Variants in ARID4B observed in about 807,000 individuals in gnomAD.
ARID4B encodes AT-rich interactive domain-containing protein 4B.
In ARID4B, 26 loss-of-function variants were observed where a neutral mutation model predicts 147.5. That is an observed-to-expected ratio of 0.18 (90% CI 0.13 to 0.24). The LOEUF (loss-of-function observed/expected upper bound fraction) is 0.24, where lower values mean the gene tolerates loss of function less well. Among genes scored for constraint, ARID4B ranks in the 10% least tolerant of loss-of-function variants. The pLI is 1.00. For missense variants in ARID4B, 1,179 were observed against 1,511.5 expected, an observed-to-expected ratio of 0.78 and a Z score of 3.65; for synonymous variants, 512 against 507.9, an observed-to-expected ratio of 1.01 and a Z score of -0.11.
rs1020741991 is a variant in ARID4B at position 235,181,927 on chromosome 1, C to T, written c.2992G>A (p.Glu998Lys). Residue 998 changes from glutamate to lysine, a missense_variant, in exon 20 of 24, where the codon GAA becomes AAA. By Grantham distance (56) the Glu-to-Lys change is moderately conservative (BLOSUM62 1). This residue lies in a region of ARID4B where 357 missense variants were observed against 427.3 expected (regional missense o/e 0.84). Transcript: ENST00000264183. The stretch of plus-strand genomic sequence containing the variant: ...TCATTGACCTCTACTGTTTTTTCTT[C>T]AATGGGTTTACTATCGACATTGACT... ...PPVNVDSKPIEEKTVEVNDRK... is the reference protein window; with the variant it reads ...PPVNVDSKPIKEKTVEVNDRK... 2 of 1,614,160 alleles carry T rather than the reference C, an allele frequency of 1.2e-6. No individual in the cohort carries two copies. The highest frequency in any genetic ancestry group is 1.7e-6 in the Non-Finnish European group (2 of 1,180,028).
intron 13 of ARID4B, among the ~76,000 whole-genome samples, chr1:235,222,722 G>A (rs1198680159): frequency 1.4e-5 from 2 of 144,172 alleles, no homozygotes; most frequent in Non-Finnish European, 3.0e-5. Flanking sequence ...CTGTCACGCA[G>A]GCTGGAATGC....
At chr1:235,327,215 C>T (rs955301757) in intron 1 of ARID4B, 2 of 343,714 alleles carry the variant, frequency 5.8e-6, no homozygotes, top group African/African-American at 2.1e-5. Flanking sequence ...TTCCCGTCTA[C>T]GACAATGACG....
intron 13 of ARID4B, among the ~76,000 whole-genome samples, chr1:235,222,565 GAC>G (rs2103028467): frequency 6.6e-6 from 1 of 151,750 alleles, no homozygotes; most frequent in East Asian, 1.9e-4. Flanking sequence ...ATGAAAAAGA[GAC>G]ACAGGAAGGA....
chr1:235,171,830 C>T (rs111870764), intron 23 of ARID4B, among the ~76,000 whole-genome samples: 2,360 of 152,046 alleles, frequency 0.016, 46 homozygotes, highest in African/African-American at 0.047. Flanking sequence ...TTAGTAGAGA[C>T]GGGGTTTCAC....
At chr1:235,202,585 T>A (rs1666020521) in intron 17 of ARID4B, among the ~76,000 whole-genome samples, 1 of 151,544 alleles carries the variant, frequency 6.6e-6, no homozygotes, top group South Asian at 2.1e-4. Context: ...AGTCTTGCTC[T>A]GTTGCCCTGG....
At chr1:235,171,301 A>G (rs1196275785) in intron 23 of ARID4B, among the ~76,000 whole-genome samples, 1 of 151,838 alleles carries the variant, frequency 6.6e-6, no homozygotes, top group Admixed American at 6.6e-5. Flanking sequence ...TGGGCGTGGC[A>G]GCACGCTTGT....
At chr1:235,191,352 G>A (rs1380662964) in intron 19 of ARID4B, among the ~76,000 whole-genome samples, 1 of 151,652 alleles carries the variant, frequency 6.6e-6, no homozygotes, top group Non-Finnish European at 1.5e-5. Flanking sequence ...GGGTTCAAGC[G>A]ATTCTCCTGC....
chr1:235,251,292 A>T (rs1254716657), intron 6 of ARID4B, among the ~76,000 whole-genome samples: 1 of 152,140 alleles, frequency 6.6e-6, no homozygotes, highest in Non-Finnish European at 1.5e-5. Context: ...TAGAGAGCTC[A>T]CGAAAGACAT....
At chr1:235,236,491 GTTGTGT>G (rs1408767605) in intron 8 of ARID4B, among the ~76,000 whole-genome samples, 2 of 73,144 alleles carry the variant, frequency 2.7e-5, no homozygotes, top group Non-Finnish European at 2.7e-5. Context: ...TTACAAAACA[GTTGTGT>G]GTGTGTGTGT....
At chr1:235,320,920 C>G (rs1674769095) in intron 2 of ARID4B, among the ~76,000 whole-genome samples, 3 of 152,168 alleles carry the variant, frequency 2.0e-5, no homozygotes, top group African/African-American at 7.2e-5. Context: ...AGTAACCCAC[C>G]CTCTGTCACT....
At chr1:235,254,502 T>A (rs1286568421) in intron 5 of ARID4B, among the ~76,000 whole-genome samples, 8 of 151,788 alleles carry the variant, frequency 5.3e-5, no homozygotes, top group Non-Finnish European at 8.8e-5. Context: ...GTATAAAAAA[T>A]TTGAAGAATA....
chr1:235,239,153 G>A (rs1668819935), intron 8 of ARID4B, among the ~76,000 whole-genome samples: 1 of 151,892 alleles, frequency 6.6e-6, no homozygotes, highest in African/African-American at 2.4e-5. Context: ...TGTATTTTTA[G>A]TAGAGACGGG....
chr1:235,265,945 TA>T (rs1192574421), intron 2 of ARID4B, among the ~76,000 whole-genome samples: 1 of 151,328 alleles, frequency 6.6e-6, no homozygotes, highest in Non-Finnish European at 1.5e-5. Flanking sequence ...AATTGTTTTT[TA>T]AAAAAAAATG....
intron 6 of ARID4B, among the ~76,000 whole-genome samples, chr1:235,249,109 G>A (rs1432753629): frequency 1.3e-5 from 2 of 151,838 alleles, no homozygotes; most frequent in Non-Finnish European, 2.9e-5. Context: ...AAGGTGGGCG[G>A]ATCACTTGAG....
chr1:235,235,945 CT>C (rs397795149), intron 8 of ARID4B, among the ~76,000 whole-genome samples: 314 of 141,822 alleles, frequency 2.2e-3, no homozygotes, highest in Non-Finnish European at 2.4e-3. Context: ...TTTTCTTTTT[CT>C]TTTTTTTTTT....
chr1:235,209,556 G>T (rs1170985897), intron 17 of ARID4B, among the ~76,000 whole-genome samples: 54 of 147,110 alleles, frequency 3.7e-4, no homozygotes, highest in East Asian at 1.4e-3. Context: ...TGATTTTTTT[G>T]TTTTTTGTTT....
chr1:235,298,365 T>C (rs1485392275), intron 2 of ARID4B, among the ~76,000 whole-genome samples: 2 of 151,978 alleles, frequency 1.3e-5, no homozygotes, highest in Admixed American at 6.6e-5. Flanking sequence ...TTTACTAGTC[T>C]CCAGAATTAA....
chr1:235,177,615 G>GTT (rs754941124), intron 21 of ARID4B, 185 bp downstream of exon 21: 101 of 440,768 alleles, frequency 2.3e-4, no homozygotes, highest in Middle Eastern at 5.9e-4. Context: ...CCTAGTGCAT[G>GTT]TTTTTTTTTT....
At chr1:235,247,098 T>C (rs960203970) in intron 6 of ARID4B, among the ~76,000 whole-genome samples, 1 of 152,178 alleles carries the variant, frequency 6.6e-6, no homozygotes, top group African/African-American at 2.4e-5. Flanking sequence ...ATTTGATTTT[T>C]TTCCTTTCCT....
Sources: gnomAD v4.1 joint callset for allele counts (sites outside exome capture counted in the v4.1 genomes callset) on GRCh38, gnomAD v4.1.1 for gene constraint, gnomAD v4.1.1 regional missense constraint, MANE v1.5 for transcripts, NCBI Gene and HGNC (gene_info 2026-07-23, HGNC 2026-07-21) for gene names.